SMOX: variants seen among roughly 807,000 people sequenced by gnomAD.
The protein encoded by SMOX is flavin containing amine oxidase.
Under a neutral mutation model 51.0 loss-of-function variants are expected in SMOX, and 22 were observed. The ratio of observed to expected loss-of-function variants is 0.43; its 90% CI spans 0.31 to 0.62. The LOEUF (loss-of-function observed/expected upper bound fraction) is 0.62. Ranked by LOEUF, SMOX falls within the 20% of genes least tolerant of loss-of-function variation. SMOX has a pLI of 0.10. For synonymous variants in SMOX, 282 were observed against 307.8 expected (o/e 0.92, Z 0.88); for missense variants, 566 against 777.7 (o/e 0.73, Z 3.24).
At chr20:4,155,678 A>G (rs573910335) in intron 1 of SMOX, among the ~76,000 whole-genome samples, 1 of 152,226 alleles carries the variant, frequency 6.6e-6, no homozygotes, top group Non-Finnish European at 1.5e-5. Context: ...ATTTGCTTGG[A>G]AAAAACCATC....
intron 1 of SMOX, among the ~76,000 whole-genome samples, chr20:4,152,629 G>C (rs1244442799): frequency 2.0e-5 from 3 of 151,422 alleles, no homozygotes; most frequent in African/African-American, 7.3e-5. Context: ...GGGATAGGTA[G>C]GGATGAGGAG....
At chr20:4,154,458 C>T (rs117673798) in intron 1 of SMOX, among the ~76,000 whole-genome samples, 3,052 of 151,972 alleles carry the variant, frequency 0.02, 68 homozygotes, top group Admixed American at 0.083. Flanking sequence ...TCACTGCAAC[C>T]TTCGCCTCCT....
intron 1 of SMOX, among the ~76,000 whole-genome samples, chr20:4,158,195 G>A (rs377383303): frequency 2.6e-5 from 4 of 152,186 alleles, no homozygotes; most frequent in Non-Finnish European, 4.4e-5. Context: ...CCACAGCGCC[G>A]GTCGGGGTGT....
At position 4,175,221 on chromosome 20, in the gene SMOX, G is replaced by A; in HGVS notation, c.166G>A (p.Ala56Thr). Residue 56 changes from alanine to threonine, a missense_variant, in exon 2 of 7, where the codon GCT becomes ACT. Around this residue, in one of 3 missense-constraint regions of SMOX, gnomAD observed 217 missense variants for 278.4 expected, o/e 0.78. Transcript: ENST00000305958. ...TTTCACGGATGTCACTGTGCTTGAG[G>A]CTTCCAGCCACATCGGAGGCCGTGT... ...QGFTDVTVLE[A>T]SSHIGGRVQS... 6.2e-7 allele frequency: 1 copy of A among 1,614,178 alleles called. No individual in the cohort carries two copies. The highest frequency in any genetic ancestry group is 8.5e-7 in the Non-Finnish European group (1 of 1,180,034).
Position 4,183,612 on chromosome 20 carries a change from G to A in SMOX, c.1488G>A (p.Lys496=). 1 of 1,603,774 alleles carries A rather than the reference G, an allele frequency of 6.2e-7. No homozygotes were observed. The highest frequency in any genetic ancestry group is 8.5e-7 in the Non-Finnish European group (1 of 1,174,438). Reference sequence around the variant, plus strand: ...GCTCCAGCGGGGCGGATGTGGAGAAGCTGGCCAAGCCCCTGCCGTACACAG... The same window carrying A: ...GCTCCAGCGGGGCGGATGTGGAGAAACTGGCCAAGCCCCTGCCGTACACAG... ...QVGSSGADVE[K]LAKPLPYTES... is the part of the protein sequence containing the mutation. Residue 496 remains lysine (K), a synonymous_variant, in exon 6 of 7, where the codon AAG becomes AAA. Coordinates refer to ENST00000305958, the MANE Select transcript of SMOX (RefSeq NM_175839.3). The surrounding 1 kb of genome is among the most constrained non-coding windows in gnomAD (Gnocchi z 4.3).
chr20:4,157,970 G>C (rs930928455), intron 1 of SMOX, among the ~76,000 whole-genome samples: 1 of 151,904 alleles, frequency 6.6e-6, no homozygotes, highest in African/African-American at 2.4e-5. Context: ...GCGCGATCTC[G>C]GCTCACTGCA....
rs146739259 is a variant in SMOX at position 4,151,629 on chromosome 20, C to T, written c.-27+2652C>T. On this transcript the variant is annotated intron_variant, in intron 1 of 6. Transcript: ENST00000305958. ...TTCTGCCAGGAGTGTTTTCCAGTGC[C>T]CTTTACTGGCCTGGCTTTTCTCCTT... is the stretch of plus-strand genomic sequence containing the variant. Among the ~76,000 whole-genome samples the T allele has an allele frequency of 1.6e-3, 239 of 152,274 alleles. 1 individual carries two copies. The highest frequency in any genetic ancestry group is 5.7e-3 in the African/African-American group (235 of 41,552).
chr20:4,184,178 G>A lies in SMOX; in HGVS notation c.1530+524G>A, dbSNP rs552678043. Among the ~76,000 whole-genome samples, 15 of 148,398 alleles carry A rather than the reference G, an allele frequency of 1.0e-4. 1 individual carries two copies. In the East Asian group the frequency reaches 3.0e-3, roughly 29 times the overall value. On this transcript the variant is annotated intron_variant, in intron 6 of 6. Transcript: ENST00000305958. The stretch of plus-strand genomic sequence containing the variant: ...TTTTTGTACTTTTTTTTTTTTTTTG[G>A]TAGAGATGGGGTTTCATCATACTGC...
chr20:4,158,126 T>C (rs1008612547), intron 1 of SMOX, among the ~76,000 whole-genome samples: 9 of 150,866 alleles, frequency 6.0e-5, no homozygotes, highest in South Asian at 2.1e-4. Context: ...GGTCTCGATC[T>C]CCTGACCTCG....
At chr20:4,168,414 G>A (rs1387361827) in intron 1 of SMOX, among the ~76,000 whole-genome samples, 1 of 152,136 alleles carries the variant, frequency 6.6e-6, no homozygotes, top group Admixed American at 6.5e-5. Context: ...CAATTTCCTG[G>A]GAGCCTCACT....
Position 4,149,676 on chromosome 20 carries a change from G to A in SMOX, c.-27+699G>A, listed in dbSNP as rs942107243. Among the ~76,000 whole-genome samples the A allele has an allele frequency of 6.6e-6, 1 of 152,188 alleles. No individual in the cohort carries two copies. The highest frequency in any genetic ancestry group is 1.5e-5 in the Non-Finnish European group (1 of 68,024). ...GAGGGAAGCCACTGCCCTGGGGTAG[G>A]GGCGAGGGCTCCTTTAGAGCAGTTG... On this transcript the variant is annotated intron_variant, in intron 1 of 6. Transcript: ENST00000305958. This position sits in a 1 kb window ranked among gnomAD's most constrained non-coding sequence, Gnocchi z 6.0.
chr20:4,157,364 G>A (rs1224116442), intron 1 of SMOX, among the ~76,000 whole-genome samples: 1 of 152,210 alleles, frequency 6.6e-6, no homozygotes, highest in Non-Finnish European at 1.5e-5. Context: ...CCAGCAGAAA[G>A]CGGCACAAGG....
rs1978431892 is a variant in SMOX at position 4,172,070 on chromosome 20, G to A, written c.-26-2960G>A. ...GGTGGTGCTCCAGGGAGCCTGGGGT[G>A]AGGGGGACCCCCAGTTTAATACCTG... On this transcript the variant is annotated intron_variant, in intron 1 of 6. Transcript: ENST00000305958. This position sits in a 1 kb window ranked among gnomAD's most constrained non-coding sequence, Gnocchi z 7.7. Among the ~76,000 whole-genome samples, 1 of 152,228 alleles carries A rather than the reference G, an allele frequency of 6.6e-6. No individual in the cohort carries two copies. The highest frequency in any genetic ancestry group is 1.5e-5 in the Non-Finnish European group (1 of 68,024).
In SMOX at chr20:4,153,347, T is replaced by G. The variant is rs775876035; in HGVS notation, c.-27+4370T>G. On this transcript the variant is annotated intron_variant, in intron 1 of 6. Transcript: ENST00000305958. This position sits in a 1 kb window ranked among gnomAD's most constrained non-coding sequence, Gnocchi z 4.4. The stretch of plus-strand genomic sequence containing the variant: ...GATTAGAGGGACTTTTTTTCTTTGC[T>G]CCCTGGAGGTCACATGCTTGAGTGC... Among the ~76,000 whole-genome samples, 2 of 152,154 alleles carry G rather than the reference T, an allele frequency of 1.3e-5. No homozygotes were observed. The highest frequency in any genetic ancestry group is 2.9e-5 in the Non-Finnish European group (2 of 68,026).
Position 4,172,815 on chromosome 20 carries a change from G to T in SMOX, c.-26-2215G>T, listed in dbSNP as rs1302053241. 1.3e-5 allele frequency among the ~76,000 whole-genome samples: 2 copies of T among 150,320 alleles called. No individual in the cohort carries two copies. Among genetic ancestry groups the T allele is most frequent in the East Asian group, 2.0e-4 (1 of 5,042 alleles). On this transcript the variant is annotated intron_variant, in intron 1 of 6. Transcript: ENST00000305958. This position sits in a 1 kb window ranked among gnomAD's most constrained non-coding sequence, Gnocchi z 7.7. ...CTGGAGGGTGGGTGGGTGGGAGGGG[G>T]GGTGGTGGAGGGAGGATTCCCGTCC...
At chr20:4,159,174 C>T (rs540652356) in intron 1 of SMOX, among the ~76,000 whole-genome samples, 25 of 152,152 alleles carry the variant, frequency 1.6e-4, no homozygotes, top group Admixed American at 4.6e-4. Flanking sequence ...TGCAATGGCG[C>T]GATCTTGGCT....
chr20:4,158,627 T>C (rs545780794), intron 1 of SMOX, among the ~76,000 whole-genome samples: 1 of 152,312 alleles, frequency 6.6e-6, no homozygotes, highest in South Asian at 2.1e-4. Context: ...GCCAACTCTG[T>C]GCTAGGCCCT....
chr20:4,175,272 CA>C lies in SMOX; in HGVS notation c.208+10del, dbSNP rs1978749216. On this transcript the variant is annotated intron_variant, in intron 2 of 6. Transcript: ENST00000305958. Reference sequence around the variant, plus strand: ...GCAGAGTGTGAAACTTGGTAAGTGCCACCCAGTCCAGCCCAGCCACCTCCCC... The same window carrying C: ...GCAGAGTGTGAAACTTGGTAAGTGCCCCCAGTCCAGCCCAGCCACCTCCCC... 6.2e-7 allele frequency: 1 copy of C among 1,612,794 alleles called. No individual in the cohort carries two copies. The highest frequency in any genetic ancestry group is 1.7e-5 in the Admixed American group (1 of 59,998).
intron 1 of SMOX, 90 bp from the exon 2 acceptor site, chr20:4,174,940 G>T: frequency 7.5e-7 from 1 of 1,325,958 alleles, no homozygotes; most frequent in African/African-American, 1.4e-5. Context: ...ACAACAGAGG[G>T]CAGAGTGTGA....
Sources: gnomAD v4.1 joint callset for allele counts (sites outside exome capture counted in the v4.1 genomes callset) on GRCh38, gnomAD v4.1.1 for gene constraint, gnomAD v4.1.1 regional missense constraint, Gnocchi (gnomAD v3.1) non-coding constraint, MANE v1.5 for transcripts, NCBI Gene and HGNC (gene_info 2026-07-23, HGNC 2026-07-21) for gene names.